PRDM16: variants seen among roughly 807,000 people sequenced by gnomAD.
PRDM16 encodes the protein PR/SET domain 16, also known as histone-lysine N-methyltransferase PRDM16.
PRDM16 carries 23 observed loss-of-function variants against 110.6 expected under a neutral mutation model. The ratio of observed to expected loss-of-function variants is 0.21; its 90% CI spans 0.15 to 0.29. The LOEUF is 0.29. Among genes scored for constraint, PRDM16 ranks in the 10% least tolerant of loss-of-function variants. PRDM16 has a pLI of 1.00. For synonymous variants in PRDM16, 799 were observed against 781.8 expected (o/e 1.02, Z -0.37); for missense variants, 1,615 against 1,794.3 (o/e 0.90, Z 1.81).
intron 3 of PRDM16, among the ~76,000 whole-genome samples, chr1:3,371,986 G>A (rs957703598): frequency 2.6e-5 from 4 of 152,246 alleles, no homozygotes; most frequent in African/African-American, 9.6e-5. Flanking sequence ...CAGAGAATAA[G>A]CGGATGAGAA....
Position 3,403,674 on chromosome 1 carries a change from C to T in PRDM16, c.884+676C>T, listed in dbSNP as rs564776739. 1.4e-4 allele frequency among the ~76,000 whole-genome samples: 22 copies of T among 152,322 alleles called. No homozygotes were observed. In the South Asian group the frequency reaches 2.9e-3, roughly 20 times the overall value. ...GGCGGCCTTGGGGACCTGTGGCCCC[C>T]GGGAAAGACAAGATTCCTGGTCTCT... On this transcript the variant is annotated intron_variant, in intron 6 of 16. Coordinates refer to ENST00000270722, the MANE Select transcript of PRDM16 (RefSeq NM_022114.4).
intron 3 of PRDM16, among the ~76,000 whole-genome samples, chr1:3,356,485 A>G (rs373182407): frequency 1.3e-5 from 2 of 152,104 alleles, no homozygotes; most frequent in African/African-American, 4.8e-5. Flanking sequence ...ACAGAGAAAC[A>G]CTGTTGGGGA....
intron 3 of PRDM16, among the ~76,000 whole-genome samples, chr1:3,301,816 C>A (rs1349867461): frequency 1.3e-5 from 2 of 152,228 alleles, no homozygotes; most frequent in Non-Finnish European, 2.9e-5. Flanking sequence ...CTGTGTTTTC[C>A]TGTGTGCTCC....
chr1:3,399,205 C>T (rs1165622299), intron 5 of PRDM16, among the ~76,000 whole-genome samples: 1 of 152,166 alleles, frequency 6.6e-6, no homozygotes, highest in Non-Finnish European at 1.5e-5. Flanking sequence ...GAAAGCCTCA[C>T]GATAATTTGC....
Position 3,437,043 on chromosome 1 carries a change from C to T in PRDM16, c.*3232C>T, listed in dbSNP as rs1466397627. 4.3e-6 allele frequency: 1 copy of T among 232,964 alleles called. No individual in the cohort carries two copies. Among genetic ancestry groups the T allele is most frequent in the African/African-American group, 2.2e-5 (1 of 45,320 alleles). The allele number at this position is 232,964 out of a possible 1,614,324, so 14.4% of individuals were successfully genotyped here. ...AGGTTGGGCACGTGGGGTTCCTCCTCTGTGGGCCTGGCAGACCCTTCATGA... is the reference window on the plus strand; with the variant it reads ...AGGTTGGGCACGTGGGGTTCCTCCTTTGTGGGCCTGGCAGACCCTTCATGA... On this transcript the variant is annotated 3_prime_UTR_variant, in exon 17 of 17. Coordinates refer to ENST00000270722, the MANE Select transcript of PRDM16 (RefSeq NM_022114.4).
chr1:3,276,702 G>GTGAACAGAGCCAGCGAGGGGTGCCA (rs147992817), intron 3 of PRDM16, among the ~76,000 whole-genome samples: 11 of 152,206 alleles, frequency 7.2e-5, no homozygotes, highest in South Asian at 2.1e-4. Flanking sequence ...GAGGGGTGCC[G>GTGAACAGAGCCAGCGAGGGGTGCCA]TGAACAGAGC....
chr1:3,361,588 G>A (rs1026033890), intron 3 of PRDM16, among the ~76,000 whole-genome samples: 5 of 152,248 alleles, frequency 3.3e-5, no homozygotes, highest in South Asian at 2.1e-4. Context: ...GCATAACACC[G>A]GCCCAACTGT....
intron 8 of PRDM16, among the ~76,000 whole-genome samples, chr1:3,408,489 T>A (rs1222502831): frequency 6.6e-6 from 1 of 151,522 alleles, no homozygotes; most frequent in Non-Finnish European, 1.5e-5. Context: ...TGTGAGAGTG[T>A]GTGAGTGTGG....
At chr1:3,072,784 C>G (rs568950528) in intron 1 of PRDM16, among the ~76,000 whole-genome samples, 1 of 152,136 alleles carries the variant, frequency 6.6e-6, no homozygotes, top group Non-Finnish European at 1.5e-5. Context: ...TGCCCCGCTT[C>G]GGACGAAAAC....
chr1:3,180,219 AC>A (rs1370472812), intron 1 of PRDM16, among the ~76,000 whole-genome samples: 3 of 111,818 alleles, frequency 2.7e-5, no homozygotes, highest in Admixed American at 9.6e-5. Flanking sequence ...AGCTCCTCCC[AC>A]CCCCCAGGCC....
intron 3 of PRDM16, among the ~76,000 whole-genome samples, chr1:3,279,402 G>T (rs771498330): frequency 5.0e-4 from 76 of 152,362 alleles, no homozygotes; most frequent in Admixed American, 3.3e-3. Flanking sequence ...GCTGAGCAGT[G>T]TCAGCCGCTC....
intron 2 of PRDM16, among the ~76,000 whole-genome samples, chr1:3,219,126 A>ATTTTCTG (rs1639096562): frequency 6.6e-6 from 1 of 152,204 alleles, no homozygotes; most frequent in Admixed American, 6.5e-5. Flanking sequence ...GTACCTCAGG[A>ATTTTCTG]TGCATTTTCA....
intron 3 of PRDM16, among the ~76,000 whole-genome samples, chr1:3,321,354 CTG>C (rs1465642032): frequency 6.1e-5 from 9 of 147,024 alleles, no homozygotes; most frequent in African/African-American, 1.8e-4. Context: ...GTGTGTGGGT[CTG>C]TGTGTGACTA....
intron 1 of PRDM16, among the ~76,000 whole-genome samples, chr1:3,153,361 CAT>C (rs1397264507): frequency 6.6e-6 from 1 of 152,230 alleles, no homozygotes; most frequent in Non-Finnish European, 1.5e-5. Context: ...TGTGTCTACA[CAT>C]GTGTCTGAAC....
chr1:3,276,670 A>AGGTGCCGTGAACAGAGCCAGCGAGG (rs70938081), intron 3 of PRDM16, among the ~76,000 whole-genome samples: 108,167 of 142,494 alleles, frequency 0.76, 42,645 homozygotes, highest in East Asian at 0.95. Context: ...AGCCAGCTCG[A>AGGTGCCGTGAACAGAGCCAGCGAGG]GGTGCCGTGA....
chr1:3,071,299 G>A (rs979415435), intron 1 of PRDM16, among the ~76,000 whole-genome samples: 5 of 152,276 alleles, frequency 3.3e-5, no homozygotes, highest in African/African-American at 4.8e-5. Context: ...GCCCGGGACC[G>A]GGTCCGCTCA....
In PRDM16 at chr1:3,292,060, G is replaced by A. The variant is rs375643845; in HGVS notation, c.438+47923G>A. On this transcript the variant is annotated intron_variant, in intron 3 of 16. Transcript: ENST00000270722. ...GGACCCCGCAGGAAGGTGCATGGCC[G>A]CTTCAGCAAGGCTGGCGGAGAGGGC... Among the ~76,000 whole-genome samples the A allele has an allele frequency of 1.3e-4, 20 of 152,136 alleles. No individual in the cohort carries two copies. In the East Asian group the frequency reaches 2.9e-3, roughly 22 times the overall value.
intron 8 of PRDM16, among the ~76,000 whole-genome samples, chr1:3,409,012 G>A (rs182088881): frequency 8.8e-4 from 132 of 150,768 alleles, no homozygotes; most frequent in Non-Finnish European, 1.6e-3. Context: ...CGTGTGAGCC[G>A]GGGCATGTCA....
chr1:3,130,302 C>A (rs1024442257), intron 1 of PRDM16, among the ~76,000 whole-genome samples: 1 of 152,204 alleles, frequency 6.6e-6, no homozygotes, highest in Non-Finnish European at 1.5e-5. Context: ...GCTGGGGGCT[C>A]CAGGGCTGTG....
Sources: allele counts gnomAD v4.1 joint callset (sites outside exome capture counted in the v4.1 genomes callset), GRCh38; gene constraint gnomAD v4.1.1; transcripts MANE v1.5; gene names NCBI Gene and HGNC (gene_info 2026-07-23, HGNC 2026-07-21).